TTC28: variants seen among roughly 807,000 people sequenced by gnomAD.
TTC28 encodes tetratricopeptide repeat protein 28.
Under a neutral mutation model 198.0 loss-of-function variants are expected in TTC28, and 61 were observed. That is an observed-to-expected ratio of 0.31 (90% CI 0.25 to 0.38). The LOEUF is 0.38. TTC28 is among the 10% of genes least tolerant of loss of function. The probability of loss-of-function intolerance (pLI) is 1.00; values close to 1 mark genes in which losing one functional copy is unlikely to be tolerated. For synonymous variants in TTC28, 1,171 were observed against 1,297.8 expected, an observed-to-expected ratio of 0.90 and a Z score of 2.10; for missense variants, 2,678 against 3,164.0, an observed-to-expected ratio of 0.85 and a Z score of 3.69.
At chr22:28,284,788 A>C (rs2044649095) in intron 5 of TTC28, among the ~76,000 whole-genome samples, 1 of 152,202 alleles carries the variant, frequency 6.6e-6, no homozygotes, top group South Asian at 2.1e-4. Context: ...ACAAAATCAC[A>C]ATAAGATATC....
At chr22:28,635,190 G>A (rs948844717) in intron 1 of TTC28, among the ~76,000 whole-genome samples, 11 of 152,044 alleles carry the variant, frequency 7.2e-5, no homozygotes, top group South Asian at 6.2e-4. Flanking sequence ...GCATGGTGGC[G>A]GGCACCTGTA....
intron 2 of TTC28, among the ~76,000 whole-genome samples, chr22:28,513,446 C>T (rs1042210595): frequency 6.6e-6 from 1 of 152,078 alleles, no homozygotes. Flanking sequence ...ACAAAAACTC[C>T]TTCCTTAGGG....
At chr22:28,591,040 CATATATATATATATATATATATATAT>C (rs377761638) in intron 2 of TTC28, among the ~76,000 whole-genome samples, 1 of 30,754 alleles carries the variant, frequency 3.3e-5, no homozygotes, top group Non-Finnish European at 5.4e-5. Context: ...CACACACACA[CATATATATATATATATATATATATAT>C]ATATATATAT....
At chr22:28,126,658 G>C (rs1689082300) in intron 6 of TTC28, among the ~76,000 whole-genome samples, 1 of 152,178 alleles carries the variant, frequency 6.6e-6, no homozygotes, top group Non-Finnish European at 1.5e-5. Context: ...CTAGTTCTGT[G>C]TTTTCTGAAA....
intron 2 of TTC28, among the ~76,000 whole-genome samples, chr22:28,435,652 C>G (rs972822965): frequency 6.6e-6 from 1 of 152,158 alleles, no homozygotes; most frequent in Non-Finnish European, 1.5e-5. Flanking sequence ...AACTCTGTAG[C>G]CTCTTACACT....
At position 28,274,976 on chromosome 22, in the gene TTC28, TAAAAAAAAA is replaced by T. The variant is rs34582010; in HGVS notation, c.933+21213_933+21221del. On this transcript the variant is annotated intron_variant, in intron 5 of 22. Coordinates refer to ENST00000397906, the MANE Select transcript of TTC28 (RefSeq NM_001145418.2). ...CCTGGGCAACAGAGTGAGACTGTCT[TAAAAAAAAA>T]AAAAAAAAAAAAAAAGAGAGAGAGA... Among the ~76,000 whole-genome samples the T allele has an allele frequency of 1.9e-4, 15 of 77,886 alleles. No individual in the cohort carries two copies. In the South Asian group the frequency reaches 8.7e-3, roughly 45 times the overall value. The allele number at this position is 77,886 out of a possible 152,430, so 51.1% of individuals were successfully genotyped here. A position where few individuals can be genotyped will look rare whatever the true frequency, so the allele number is the denominator to read the frequency against.
intron 5 of TTC28, among the ~76,000 whole-genome samples, chr22:28,178,183 G>A (rs1430099914): frequency 2.0e-5 from 3 of 152,016 alleles, no homozygotes; most frequent in African/African-American, 7.3e-5. Context: ...GGCCGGGCAC[G>A]GTGGCACATG....
chr22:28,268,423 C>G (rs1931825601), intron 5 of TTC28, among the ~76,000 whole-genome samples: 1 of 152,156 alleles, frequency 6.6e-6, no homozygotes, highest in African/African-American at 2.4e-5. Context: ...ATCTTTTCAT[C>G]TAGGTCACTG....
At chr22:28,516,523 C>T (rs977292489) in intron 2 of TTC28, among the ~76,000 whole-genome samples, 5 of 151,412 alleles carry the variant, frequency 3.3e-5, no homozygotes, top group Non-Finnish European at 7.4e-5. Context: ...GAAAACCAAA[C>T]ACCGCACGTT....
intron 2 of TTC28, among the ~76,000 whole-genome samples, chr22:28,359,612 C>T (rs1328042534): frequency 6.6e-6 from 1 of 152,082 alleles, no homozygotes; most frequent in African/African-American, 2.4e-5. Context: ...CACCTGGTGT[C>T]AAGTAACAAG....
chr22:28,111,776 A>T (rs1942488010), intron 6 of TTC28, among the ~76,000 whole-genome samples: 1 of 152,040 alleles, frequency 6.6e-6, no homozygotes. Flanking sequence ...TTCTTAAGCC[A>T]GTATAATCAC....
chr22:27,996,149 C>T lies in TTC28; in HGVS notation c.5230G>A (p.Val1744Met). 6.5e-7 allele frequency: 1 copy of T among 1,550,166 alleles called. No homozygotes were observed. The highest frequency in any genetic ancestry group is 2.4e-5 in the East Asian group (1 of 40,910). The change falls in exon 17 of 23, where the codon GTG (valine) becomes ATG (methionine). Residue 1744 changes from valine to methionine, a missense_variant. Transcript: ENST00000397906. ...HPERARDALR[V>M]LLHLVEKSLQ... ...GACCCCCTTACCAGGTGCAGCAGCA[C>T]TCGCAGGGCGTCCCGCGCACGCTCC...
Position 28,283,585 on chromosome 22 carries a change from C to T in TTC28, c.933+12613G>A, listed in dbSNP as rs570339703. Among the ~76,000 whole-genome samples the T allele has an allele frequency of 1.1e-4, 17 of 152,230 alleles. 1 individual carries two copies. The highest frequency in any genetic ancestry group is 3.8e-4 in the African/African-American group (16 of 41,560). ...GTCAAAAATAGTCTTTTCTTTTGGT[C>T]AGTAACTGTTCATGCAAACCCACAG... On this transcript the variant is annotated intron_variant, in intron 5 of 22. Coordinates refer to ENST00000397906, the MANE Select transcript of TTC28 (RefSeq NM_001145418.2).
intron 6 of TTC28, among the ~76,000 whole-genome samples, chr22:28,108,725 T>C (rs1258734131): frequency 2.0e-5 from 3 of 152,226 alleles, no homozygotes; most frequent in Admixed American, 6.5e-5. Context: ...AGCCATTGCG[T>C]ATAAAGAGTT....
At chr22:28,251,827 T>C (rs762884299) in intron 5 of TTC28, among the ~76,000 whole-genome samples, 19 of 151,936 alleles carry the variant, frequency 1.3e-4, no homozygotes, top group Admixed American at 5.9e-4. Context: ...TCAGAAATTC[T>C]CTCTCTCTCT....
At chr22:28,321,935 G>A (rs541458661) in intron 2 of TTC28, among the ~76,000 whole-genome samples, 5 of 152,184 alleles carry the variant, frequency 3.3e-5, no homozygotes, top group African/African-American at 4.8e-5. Flanking sequence ...GGGTTCAAGC[G>A]ATTCTCCTGC....
chr22:28,154,321 A>ATTTT (rs10537660), intron 6 of TTC28, among the ~76,000 whole-genome samples: 3 of 137,356 alleles, frequency 2.2e-5, no homozygotes, highest in African/African-American at 2.7e-5. Flanking sequence ...AAAGATGGCC[A>ATTTT]TTTTTTTTTT....
chr22:28,642,111 G>A (rs2146239272), intron 1 of TTC28, among the ~76,000 whole-genome samples: 1 of 151,512 alleles, frequency 6.6e-6, no homozygotes, highest in South Asian at 2.1e-4. Flanking sequence ...ACTTTTATTA[G>A]ACCATATTGA....
At chr22:28,322,414 A>T (rs991842305) in intron 2 of TTC28, among the ~76,000 whole-genome samples, 3 of 152,240 alleles carry the variant, frequency 2.0e-5, no homozygotes, top group Non-Finnish European at 2.9e-5. Flanking sequence ...CTTTTGGAAC[A>T]GAAGATAACA....
Sources: allele counts gnomAD v4.1 joint callset (sites outside exome capture counted in the v4.1 genomes callset), GRCh38; gene constraint gnomAD v4.1.1; transcripts MANE v1.5; gene names NCBI Gene and HGNC (gene_info 2026-07-23, HGNC 2026-07-21).